Variants in GCLM observed in about 807,000 individuals in gnomAD.
GCLM encodes glutamate--cysteine ligase regulatory subunit.
A neutral mutation model predicts 36.0 loss-of-function variants in GCLM; 15 were observed. The ratio of observed to expected loss-of-function variants is 0.42; its 90% CI spans 0.28 to 0.64. The LOEUF (loss-of-function observed/expected upper bound fraction) is 0.64, where lower values mean the gene tolerates loss of function less well. Ranked by LOEUF, GCLM falls within the 30% of genes least tolerant of loss-of-function variation. The probability of loss-of-function intolerance (pLI) is 0.25; values close to 1 mark genes in which losing one functional copy is unlikely to be tolerated. For missense variants in GCLM, 242 were observed against 325.5 expected (o/e 0.74, Z 1.97); for synonymous variants, 129 against 122.8 (o/e 1.05, Z -0.34).
At chr1:93,907,279 C>G (rs1487182796) in intron 1 of GCLM, among the ~76,000 whole-genome samples, 1 of 152,054 alleles carries the variant, frequency 6.6e-6, no homozygotes, top group Non-Finnish European at 1.5e-5. Flanking sequence ...TAGTTTTATC[C>G]TACTGTTATG....
intron 1 of GCLM, among the ~76,000 whole-genome samples, chr1:93,905,179 A>G (rs953263545): frequency 2.0e-5 from 3 of 151,838 alleles, no homozygotes; most frequent in Admixed American, 6.6e-5. Context: ...TTTCCAAAAA[A>G]AAAAAAAAAA....
rs1016246394 is a variant in GCLM at position 93,895,873 on chromosome 1, C to A, written c.540+745G>T. 4.6e-5 allele frequency among the ~76,000 whole-genome samples: 7 copies of A among 151,578 alleles called. No individual in the cohort carries two copies. The East Asian group carries it at 1.2e-3, about 25-fold the overall frequency. On this transcript the variant is annotated intron_variant, in intron 5 of 6. Coordinates refer to ENST00000370238, the MANE Select transcript of GCLM (RefSeq NM_002061.4). ...AGTCTTACACATCTTTGAATAACAG[C>A]AAAATATCTGTTATATATAAAATAT... is the stretch of plus-strand genomic sequence containing the variant.
chr1:93,908,508 C>T (rs1657231279), intron 1 of GCLM, among the ~76,000 whole-genome samples: 1 of 152,160 alleles, frequency 6.6e-6, no homozygotes, highest in African/African-American at 2.4e-5. Context: ...TGACTAAAGT[C>T]AGGGTATTTA....
At chr1:93,892,080 C>T (rs543730889) in intron 6 of GCLM, among the ~76,000 whole-genome samples, 1 of 151,870 alleles carries the variant, frequency 6.6e-6, no homozygotes, top group South Asian at 2.1e-4. Flanking sequence ...CAGAGAAGAC[C>T]CTGAGGGAAA....
chr1:93,904,486 T>C (rs1571206882), intron 2 of GCLM, 37 bp downstream of exon 2: 1 of 1,326,680 alleles, frequency 7.5e-7, no homozygotes, highest in Non-Finnish European at 1.1e-6. Context: ...TACTTCCTTT[T>C]TGACCTGCAT....
rs968130660 is a variant in GCLM at position 93,889,667 on chromosome 1, T to TA, written c.656-509dup. ...TATGTGTGTGTGTATATCCATATCT[T>TA]ACAAAATTAGAAATCACACTGTAGT... On this transcript the variant is annotated intron_variant, in intron 6 of 6. Coordinates refer to ENST00000370238, the MANE Select transcript of GCLM (RefSeq NM_002061.4). Among the ~76,000 whole-genome samples the TA allele has an allele frequency of 4.5e-4, 69 of 151,900 alleles. 2 individuals are homozygous for TA. The highest frequency in any genetic ancestry group is 2.1e-3 in the South Asian group (10 of 4,822).
intron 6 of GCLM, among the ~76,000 whole-genome samples, chr1:93,889,388 A>T (rs1308119643): frequency 1.3e-5 from 2 of 152,132 alleles, no homozygotes; most frequent in African/African-American, 2.4e-5. Context: ...TTAATTCTTA[A>T]CTTTTGGTGA....
At position 93,896,660 on chromosome 1, in the gene GCLM, A is replaced by G. The variant is rs750225700; in HGVS notation, c.498T>C (p.Asp166=). The G allele has an allele frequency of 6.2e-7, 1 of 1,614,054 alleles. No homozygotes were observed. Among genetic ancestry groups the G allele is most frequent in the Admixed American group, 1.7e-5 (1 of 60,016 alleles). Residue 166 remains aspartate (D), a synonymous_variant, in exon 5 of 7, where the codon GAT becomes GAC. Transcript: ENST00000370238. ...GCTGTTCCAACTGTGTTTTGTCTAG[A>G]TCAGAGGTACCTATGGCAACAATCT... ...SKKIVAIGTS[D]LDKTQLEQLY...
rs781245035 is a variant in GCLM, at chr1:93,907,879, G to A, written c.126+1159C>T. Among the ~76,000 whole-genome samples, 8 of 152,192 alleles carry A rather than the reference G, an allele frequency of 5.3e-5. No homozygotes were observed. The South Asian group carries it at 1.0e-3, about 20-fold the overall frequency. On this transcript the variant is annotated intron_variant, in intron 1 of 6. Transcript: ENST00000370238. ...CCAGCACTTAACTCAGAGGGATGCC[G>A]TGTGCTGCTGCATGGTCTGTTACCA...
rs531756148 is a variant in GCLM, at chr1:93,899,157, A to C, written c.278-1259T>G. Among the ~76,000 whole-genome samples the C allele has an allele frequency of 6.6e-5, 10 of 151,320 alleles. No homozygotes were observed. In the East Asian group the frequency reaches 1.6e-3, roughly 24 times the overall value. ...AGTGGTGCCATCTTGGTTCATTGCA[A>C]CCTCCTCCTGGGTTCAAGCAATTCT... On this transcript the variant is annotated intron_variant, in intron 3 of 6. Transcript: ENST00000370238.
chr1:93,907,232 T>C (rs999643006), intron 1 of GCLM, among the ~76,000 whole-genome samples: 2 of 152,220 alleles, frequency 1.3e-5, no homozygotes, highest in East Asian at 1.9e-4. Context: ...TATGATGCCA[T>C]TCCTTCAAGT....
In GCLM at chr1:93,897,891, C is replaced by A; in HGVS notation, c.285G>T (p.Leu95=). The A allele has an allele frequency of 1.3e-6, 2 of 1,546,360 alleles. No individual in the cohort carries two copies. The highest frequency in any genetic ancestry group is 3.4e-4 in the Middle Eastern group (2 of 5,906). Residue 95 remains leucine (L), a synonymous_variant, in exon 4 of 7, where the codon CTG becomes CTT. Transcript: ENST00000370238. ...ATGAAGAGTTTGATTCTACAATGAA[C>A]AGTTTTGCTGGGTAACAAAGAAAAC... ...EREEMKVSAK[L]FIVESNSSSS...
At chr1:93,896,888 C>A in intron 4 of GCLM, 68 bp from the exon 5 acceptor site, 1 of 860,284 alleles carries the variant, frequency 1.2e-6, no homozygotes, top group South Asian at 1.4e-5. Flanking sequence ...CTAATGTTTT[C>A]AAAGTATCCC....
At chr1:93,902,367 A>T (rs1656985998) in intron 2 of GCLM, among the ~76,000 whole-genome samples, 1 of 151,892 alleles carries the variant, frequency 6.6e-6, no homozygotes, top group South Asian at 2.1e-4. Context: ...TTTAGTAGAG[A>T]CAGGGTTTCA....
chr1:93,904,440 C>T, intron 2 of GCLM, 83 bp downstream of exon 2: 1 of 900,300 alleles, frequency 1.1e-6, no homozygotes, highest in Non-Finnish European at 1.9e-6. Context: ...TTTGACTTCC[C>T]TCACAAAACT....
At chr1:93,890,616 T>C (rs935053650) in intron 6 of GCLM, among the ~76,000 whole-genome samples, 9 of 152,168 alleles carry the variant, frequency 5.9e-5, no homozygotes, top group African/African-American at 2.2e-4. Context: ...TAAATTTTCA[T>C]TATCAACTAT....
intron 2 of GCLM, 46 bp from the exon 3 acceptor site, chr1:93,901,715 C>A: frequency 1.0e-6 from 1 of 989,062 alleles, no homozygotes; most frequent in South Asian, 1.5e-5. Flanking sequence ...TTTAATGCTT[C>A]TGATTAATTA....
At chr1:93,889,637 A>G (rs900225950) in intron 6 of GCLM, among the ~76,000 whole-genome samples, 7 of 151,710 alleles carry the variant, frequency 4.6e-5, no homozygotes. Flanking sequence ...TAGATCTTAT[A>G]TCTGTATGTG....
intron 3 of GCLM, among the ~76,000 whole-genome samples, 156 bp downstream of exon 3, chr1:93,901,429 A>C (rs1656944489): frequency 6.6e-6 from 1 of 152,218 alleles, no homozygotes; most frequent in Non-Finnish European, 1.5e-5. Flanking sequence ...CTGACCTCTT[A>C]TAACTCCATC....
Sources: gnomAD v4.1 joint callset for allele counts (sites outside exome capture counted in the v4.1 genomes callset) on GRCh38, gnomAD v4.1.1 for gene constraint, MANE v1.5 for transcripts, NCBI Gene and HGNC (gene_info 2026-07-23, HGNC 2026-07-21) for gene names.